SETD1B: variants seen among roughly 807,000 people sequenced by gnomAD.
SETD1B encodes histone-lysine N-methyltransferase SETD1B.
A neutral mutation model predicts 148.0 loss-of-function variants in SETD1B; 7 were observed. The ratio of observed to expected loss-of-function variants is 0.05; its 90% CI spans 0.03 to 0.09. SETD1B has a LOEUF of 0.09. SETD1B is among the 10% of genes least tolerant of loss of function. SETD1B has a pLI of 1.00. For missense variants in SETD1B, 2,155 were observed against 2,729.9 expected (o/e 0.79, Z 4.69); for synonymous variants, 1,361 against 1,186.5 (o/e 1.15, Z -3.02).
Position 121,827,308 on chromosome 12 carries a change from C to T in SETD1B, c.5338-211C>T, listed in dbSNP as rs556813777. On this transcript the variant is annotated intron_variant, in intron 13 of 16. Coordinates refer to ENST00000604567, the MANE Select transcript of SETD1B (RefSeq NM_001353345.2). ...AAGACAGCGCCAGGCAAGAGTGAGT[C>T]TCGTCGTTTTGAAGATAGAAGGAGC... is the stretch of plus-strand genomic sequence containing the variant. Among the ~76,000 whole-genome samples the T allele has an allele frequency of 3.9e-5, 6 of 152,236 alleles. No individual in the cohort carries two copies. The East Asian group carries it at 7.7e-4, about 20-fold the overall frequency.
intron 4 of SETD1B, among the ~76,000 whole-genome samples, chr12:121,807,640 C>T (rs1033862555): frequency 6.6e-6 from 1 of 152,214 alleles, no homozygotes; most frequent in African/African-American, 2.4e-5. Context: ...CTATAAAAGC[C>T]TCCTTCTGCT....
Position 121,822,757 on chromosome 12 carries a change from G to C in SETD1B, c.4178G>C (p.Ser1393Thr). Residue 1393 changes from serine to threonine, a missense_variant, in exon 12 of 17, where the codon AGC becomes ACC. Physicochemically the swap from Ser to Thr is moderately conservative, Grantham distance 58. Transcript: ENST00000604567. ...GGGGAGCCCCCGCTATCAGGGGGCA[G>C]CAGTGGCCTGTCCCTGAGCTCTCCG... ...PGGEPPLSGG[S>T]SGLSLSSPQV... is the part of the protein sequence containing the mutation. The C allele has an allele frequency of 6.6e-7, 1 of 1,516,800 alleles. No homozygotes were observed. The highest frequency in any genetic ancestry group is 2.5e-5 in the East Asian group (1 of 40,406). 94.0% of individuals were successfully genotyped at this position (1,516,800 alleles called of 1,614,324 possible).
rs1247276941 is a variant in SETD1B, at chr12:121,819,746, C to G, written c.3761C>G (p.Pro1254Arg). The G allele has an allele frequency of 7.7e-6, 12 of 1,551,438 alleles. No homozygotes were observed. The highest frequency in any genetic ancestry group is 2.4e-5 in the East Asian group (1 of 40,916). ...CGGCCCTCCATGCTGGACGAGCCCCCCTTGCCTGTGGGTGTTGAAGAGCCA... is the reference window on the plus strand; with the variant it reads ...CGGCCCTCCATGCTGGACGAGCCCCGCTTGCCTGTGGGTGTTGAAGAGCCA... Reference protein sequence around the residue: ...EERPSMLDEPPLPVGVEEPAD... With the variant: ...EERPSMLDEPRLPVGVEEPAD... Residue 1254 changes from proline to arginine, a missense_variant, in exon 11 of 17, where the codon CCC (proline) becomes CGC (arginine). By Grantham distance (103) the Pro-to-Arg change is moderately radical. This residue lies in a region of SETD1B where 862 missense variants were observed against 873.8 expected (regional missense o/e 0.99). Transcript: ENST00000604567.
chr12:121,810,413 G>C lies in SETD1B; in HGVS notation c.1468G>C (p.Ala490Pro). ...CACGCCCACGCTGGAGTCGTCCCCT[G>C]CAGGGCCAGAGAAACCCCACGACAG... ...PGTPTLESSP[A>P]GPEKPHDSLD... Residue 490 changes from alanine (A) to proline (P), a missense_variant, in exon 6 of 17, where the codon GCA becomes CCA. Physicochemically the swap from Ala to Pro is conservative, Grantham distance 27. Around this residue, in one of 11 missense-constraint regions of SETD1B, gnomAD observed 376 missense variants for 385.0 expected, o/e 0.98. Coordinates refer to ENST00000604567, the MANE Select transcript of SETD1B (RefSeq NM_001353345.2). This position sits in a 1 kb window ranked among gnomAD's most constrained non-coding sequence, Gnocchi z 7.6. 6.5e-7 allele frequency: 1 copy of C among 1,549,064 alleles called. No individual in the cohort carries two copies. The highest frequency in any genetic ancestry group is 8.7e-7 in the Non-Finnish European group (1 of 1,146,938).
chr12:121,824,537 C>T (rs1389970206), intron 12 of SETD1B, among the ~76,000 whole-genome samples: 1 of 152,118 alleles, frequency 6.6e-6, no homozygotes, highest in African/African-American at 2.4e-5. Flanking sequence ...ATTCCAGCTA[C>T]TCTGGAGGCT....
rs553141120 is a variant in SETD1B, at chr12:121,806,629, C to A, written c.544+524C>A. On this transcript the variant is annotated intron_variant, in intron 4 of 16. Transcript: ENST00000604567. ...CAATCTGGGGCCAGGAGTGTTGTTT[C>A]ATTGATAAGGTTCTCGACAGAGCCG... is the stretch of plus-strand genomic sequence containing the variant. Among the ~76,000 whole-genome samples, 784 of 152,300 alleles carry A rather than the reference C, an allele frequency of 5.1e-3. 13 individuals are homozygous for A. Among genetic ancestry groups the A allele is most frequent in the Non-Finnish European group, 4.8e-3 (328 of 68,020 alleles).
rs534577456 is a variant in SETD1B, at chr12:121,831,073, A to T, written c.*834A>T. The T allele has an allele frequency of 1.3e-5, 2 of 152,342 alleles. No individual in the cohort carries two copies. The highest frequency in any genetic ancestry group is 4.8e-5 in the African/African-American group (2 of 41,556). The allele number at this position is 152,342 out of a possible 1,614,324, so 9.4% of individuals were successfully genotyped here. On this transcript the variant is annotated 3_prime_UTR_variant, in exon 17 of 17. Transcript: ENST00000604567. ...TGCCAGCAACGCGGGAGCCTCTCGG[A>T]GGCCCCAGTGCAGGTGAGGGGCGCT... is the stretch of plus-strand genomic sequence containing the variant.
chr12:121,822,392 C>T (rs1876600227), intron 11 of SETD1B, 98 bp from the exon 12 acceptor site: 1 of 1,406,054 alleles, frequency 7.1e-7, no homozygotes, highest in Non-Finnish European at 9.5e-7. Flanking sequence ...TGCTCAGACT[C>T]AGGGCTGTGA....
intron 13 of SETD1B, 142 bp from the exon 14 acceptor site, chr12:121,827,377 G>C: frequency 1.0e-6 from 1 of 992,502 alleles, no homozygotes; most frequent in Non-Finnish European, 1.4e-6. Context: ...GCAGGGAAGC[G>C]GTGACAATTA....
intron 13 of SETD1B, among the ~76,000 whole-genome samples, chr12:121,826,083 T>TA (rs899811170): frequency 3.0e-4 from 46 of 151,578 alleles, no homozygotes; most frequent in East Asian, 5.8e-4. Flanking sequence ...ATTTTTAAAT[T>TA]AAAAAAAAAT....
At chr12:121,818,030 AAC>A in intron 10 of SETD1B, 126 bp downstream of exon 10, 31 of 916,774 alleles carry the variant, frequency 3.4e-5, no homozygotes, top group Non-Finnish European at 3.4e-5. Flanking sequence ...ACCTTGTTAA[AAC>A]ACACACACAG....
At position 121,828,282 on chromosome 12, in the gene SETD1B, CA is replaced by C. The variant is rs533568270; in HGVS notation, c.5727+213del. Among the ~76,000 whole-genome samples the C allele has an allele frequency of 1.2e-3, 188 of 152,382 alleles. 1 individual carries two copies. Among genetic ancestry groups the C allele is most frequent in the African/African-American group, 3.6e-3 (149 of 41,600 alleles). ...CTCAGTTTCTCATCTGTCAAATGGG[CA>C]TAGTGAGACTTCTGTGGCATTTAGA... On this transcript the variant is annotated intron_variant, in intron 16 of 16. Coordinates refer to ENST00000604567, the MANE Select transcript of SETD1B (RefSeq NM_001353345.2).
chr12:121,825,403 G>A (rs1876792983), intron 13 of SETD1B, 37 bp downstream of exon 13: 1 of 1,529,756 alleles, frequency 6.5e-7, no homozygotes, highest in Admixed American at 2.0e-5. Flanking sequence ...AGAGCCTGCT[G>A]GGCTGGGCCA....
Position 121,804,759 on chromosome 12 carries a change from C to T in SETD1B, c.22C>T (p.His8Tyr), listed in dbSNP as rs770426488. 5 of 1,546,644 alleles carry T rather than the reference C, an allele frequency of 3.2e-6. No homozygotes were observed. The highest frequency in any genetic ancestry group is 1.4e-5 in the African/African-American group (1 of 72,678). Residue 8 changes from histidine to tyrosine, a missense_variant, in exon 2 of 17, where the codon CAC becomes TAC. By Grantham distance (83) the His-to-Tyr change is moderately conservative (BLOSUM62 2). Around this residue, in one of 11 missense-constraint regions of SETD1B, gnomAD observed 36 missense variants for 23.5 expected, o/e 1.53. Coordinates refer to ENST00000604567, the MANE Select transcript of SETD1B (RefSeq NM_001353345.2). The surrounding 1 kb of genome is among the most constrained non-coding windows in gnomAD (Gnocchi z 4.6). MENSHPPHHHHQQPPPQP... is the reference protein window; with the variant it reads MENSHPPYHHHQQPPPQP... Reference sequence around the variant, plus strand: ...CGGCATGGAGAACAGTCACCCCCCCCACCACCACCACCAGCAGCCCCCGCC... The same window carrying T: ...CGGCATGGAGAACAGTCACCCCCCCTACCACCACCACCAGCAGCCCCCGCC...
At chr12:121,812,460 G>A (rs1057271399) in intron 6 of SETD1B, among the ~76,000 whole-genome samples, 1 of 144,536 alleles carries the variant, frequency 6.9e-6, no homozygotes, top group Non-Finnish European at 1.5e-5. Flanking sequence ...GTGAGGTGCC[G>A]CACAGGATGC....
intron 6 of SETD1B, among the ~76,000 whole-genome samples, chr12:121,812,875 TTTCCTCTGAGGCC>T (rs1437079145): frequency 3.3e-5 from 5 of 152,054 alleles, no homozygotes; most frequent in African/African-American, 1.2e-4. Flanking sequence ...TACCTGCAGT[TTTCCTCTGAGGCC>T]TTCCTCACCT....
rs184033750 is a variant in SETD1B at position 121,832,251 on chromosome 12, G to A, written c.*2012G>A. 6.7e-3 allele frequency: 1,021 copies of A among 152,606 alleles called. 10 individuals carry two copies. The highest frequency in any genetic ancestry group is 8.9e-3 in the Non-Finnish European group (610 of 68,264). The allele number at this position is 152,606 out of a possible 1,614,324, so 9.5% of individuals were successfully genotyped here. ...GCCTCACCTTGCTCCCAGCCATCGT[G>A]CCCAGTGTTAACCTCGGCTGGCCTT... On this transcript the variant is annotated 3_prime_UTR_variant, in exon 17 of 17. Transcript: ENST00000604567.
In SETD1B at chr12:121,817,931, G is replaced by C. The variant is rs1340329407; in HGVS notation, c.3418+27G>C. On this transcript the variant is annotated intron_variant, in intron 10 of 16. Coordinates refer to ENST00000604567, the MANE Select transcript of SETD1B (RefSeq NM_001353345.2). The surrounding 1 kb of genome is among the most constrained non-coding windows in gnomAD (Gnocchi z 8.1). ...TGAGCAGGGAGGCCGTGGCTGCCTG[G>C]CCCTCCCGGAGTCCCTCTTTCCCCG... The C allele has an allele frequency of 6.6e-7, 1 of 1,506,706 alleles. No individual in the cohort carries two copies. The highest frequency in any genetic ancestry group is 8.9e-7 in the Non-Finnish European group (1 of 1,123,942). 93.3% of individuals were successfully genotyped at this position (1,506,706 alleles called of 1,614,324 possible).
Position 121,832,186 on chromosome 12 carries a change from GA to G in SETD1B, c.*1949del, listed in dbSNP as rs1389858883. ...CCATAAAAGAAGTGGGGGTGTTCGA[GA>G]AGACCAGGGAAGGGACCCTTGCCTC... On this transcript the variant is annotated 3_prime_UTR_variant, in exon 17 of 17. Coordinates refer to ENST00000604567, the MANE Select transcript of SETD1B (RefSeq NM_001353345.2). 2 of 152,238 alleles carry G rather than the reference GA, an allele frequency of 1.3e-5. No individual in the cohort carries two copies. The highest frequency in any genetic ancestry group is 4.8e-5 in the African/African-American group (2 of 41,434). 9.4% of individuals were successfully genotyped at this position (152,238 alleles called of 1,614,324 possible). A position where few individuals can be genotyped will look rare whatever the true frequency, so the allele number is the denominator to read the frequency against.
Sources: allele counts gnomAD v4.1 joint callset (sites outside exome capture counted in the v4.1 genomes callset), GRCh38; gene constraint gnomAD v4.1.1; regional missense constraint gnomAD v4.1.1; non-coding constraint Gnocchi (gnomAD v3.1); transcripts MANE v1.5; gene names NCBI Gene and HGNC (gene_info 2026-07-23, HGNC 2026-07-21).